The following PLAGL1 variants were observed in gnomAD, a reference collection of about 807,000 sequenced individuals.
The protein encoded by PLAGL1 is PLAG1 like zinc finger 1, also known as zinc finger protein PLAGL1.
PLAGL1 carries 1 observed loss-of-function variant against 4.6 expected under a neutral mutation model. The ratio of observed to expected loss-of-function variants is 0.22; its 90% CI spans 0.08 to 1.03. The LOEUF (loss-of-function observed/expected upper bound fraction) is 1.03, where lower values mean the gene tolerates loss of function less well. PLAGL1 is among the 50% of genes least tolerant of loss of function. The probability of loss-of-function intolerance (pLI) is 0.58; values close to 1 mark genes in which losing one functional copy is unlikely to be tolerated. For synonymous variants in PLAGL1, 240 were observed against 237.8 expected (o/e 1.01, Z -0.08); for missense variants, 464 against 570.4 (o/e 0.81, Z 1.90).
rs1783226447 is a variant in PLAGL1, at chr6:143,960,787, G to A, written c.-398-245C>T. The A allele has an allele frequency of 3.9e-5, 6 of 152,086 alleles. No individual in the cohort carries two copies. The South Asian group carries it at 1.0e-3, about 26-fold the overall frequency. 9.4% of individuals were successfully genotyped at this position (152,086 alleles called of 1,614,324 possible). A position where few individuals can be genotyped will look rare whatever the true frequency, so the allele number is the denominator to read the frequency against. On this transcript the variant is annotated intron_variant, in intron 5 of 7. Transcript: ENST00000674357. The surrounding 1 kb of genome is among the most constrained non-coding windows in gnomAD (Gnocchi z 5.7). ...CTGCTTTATGCAAGTGGAAAAAAAA[G>A]AACACACAAAATTGCTTACATAATA...
At chr6:144,047,238 G>T (rs532430809) in intron 1 of PLAGL1, among the ~76,000 whole-genome samples, 2 of 152,168 alleles carry the variant, frequency 1.3e-5, no homozygotes, top group Non-Finnish European at 2.9e-5. Context: ...GATGAACCAG[G>T]TACCTCGGTT....
At chr6:143,991,988 C>T (rs903344039) in intron 1 of PLAGL1, among the ~76,000 whole-genome samples, 46 of 152,148 alleles carry the variant, frequency 3.0e-4, no homozygotes, top group African/African-American at 9.4e-4. Flanking sequence ...GTACAGGCTC[C>T]AAAAAGTCCA....
chr6:144,016,788 TTTC>T lies in PLAGL1; in HGVS notation c.-151+47677_-151+47679del, dbSNP rs1231209650. Among the ~76,000 whole-genome samples, 4 of 152,226 alleles carry T rather than the reference TTTC, an allele frequency of 2.6e-5. No individual in the cohort carries two copies. Among genetic ancestry groups the T allele is most frequent in the African/African-American group, 9.6e-5 (4 of 41,464 alleles). The stretch of plus-strand genomic sequence containing the variant: ...CAGTAAGTGTCATTAAATTATTTCC[TTTC>T]TTATTTGGATAGGATGAGGAGAAAT... On this transcript the variant is annotated intron_variant, in intron 1 of 3. Transcript: ENST00000437412. The surrounding 1 kb of genome is among the most constrained non-coding windows in gnomAD (Gnocchi z 4.2).
At chr6:144,060,560 T>C (rs141633138) in intron 1 of PLAGL1, among the ~76,000 whole-genome samples, 2 of 152,300 alleles carry the variant, frequency 1.3e-5, no homozygotes, top group African/African-American at 4.8e-5. Context: ...GCCACGTGCA[T>C]CTAAAACTAG....
At chr6:144,019,339 G>T (rs1795802664) in intron 1 of PLAGL1, among the ~76,000 whole-genome samples, 1 of 152,102 alleles carries the variant, frequency 6.6e-6, no homozygotes, top group African/African-American at 2.4e-5. Flanking sequence ...AGGCATGGTG[G>T]TGGGCGCCTG....
rs1791771032 is a variant in PLAGL1 at position 143,997,027 on chromosome 6, C to T, written c.-584+11063G>A. Reference sequence around the variant, plus strand: ...CGATAAACTGGATTTCATTAAGACACCAAAAGACAGCATTAAAAGATACAT... The same window carrying T: ...CGATAAACTGGATTTCATTAAGACATCAAAAGACAGCATTAAAAGATACAT... On this transcript the variant is annotated intron_variant, in intron 1 of 7. Transcript: ENST00000674357. The surrounding 1 kb of genome is among the most constrained non-coding windows in gnomAD (Gnocchi z 4.6). Among the ~76,000 whole-genome samples, 2 of 152,054 alleles carry T rather than the reference C, an allele frequency of 1.3e-5. No individual in the cohort carries two copies. The highest frequency in any genetic ancestry group is 2.9e-5 in the Non-Finnish European group (2 of 68,022).
chr6:144,026,279 A>G (rs1057324041), intron 1 of PLAGL1, among the ~76,000 whole-genome samples: 1 of 152,190 alleles, frequency 6.6e-6, no homozygotes, highest in Non-Finnish European at 1.5e-5. Context: ...CCCTGGCCTC[A>G]AGGAGCTTCG....
chr6:143,977,332 T>C (rs940423373), intron 2 of PLAGL1, among the ~76,000 whole-genome samples: 20 of 152,322 alleles, frequency 1.3e-4, no homozygotes, highest in East Asian at 3.8e-4. Context: ...TAAAATGTCA[T>C]ATAGTTGAAA....
At chr6:144,051,125 A>G (rs959839154) in intron 1 of PLAGL1, among the ~76,000 whole-genome samples, 21 of 152,260 alleles carry the variant, frequency 1.4e-4, no homozygotes, top group Admixed American at 3.3e-4. Flanking sequence ...AGACTATCAG[A>G]TAATGTCTAG....
At chr6:144,011,398 A>G (rs1469425032), upstream of PLAGL1, among the ~76,000 whole-genome samples, 1 of 152,234 alleles carries the variant, frequency 6.6e-6, no homozygotes, top group Non-Finnish European at 1.5e-5. The surrounding 1 kb of genome is among the most constrained non-coding windows in gnomAD (Gnocchi z 4.3). Flanking sequence ...ATTTCTGTGG[A>G]AAGATCTTAA....
chr6:144,044,511 G>A (rs1289156737), intron 1 of PLAGL1, among the ~76,000 whole-genome samples: 1 of 152,178 alleles, frequency 6.6e-6, no homozygotes, highest in Non-Finnish European at 1.5e-5. Context: ...TTAATCCTGA[G>A]TTCTAATTTG....
At chr6:143,981,386 G>A (rs1201867150) in intron 2 of PLAGL1, among the ~76,000 whole-genome samples, 1 of 152,044 alleles carries the variant, frequency 6.6e-6, no homozygotes, top group Non-Finnish European at 1.5e-5. Flanking sequence ...AAGCCTCCAG[G>A]AGAGCCCTCT....
rs11760032 is a variant in PLAGL1, at chr6:144,036,800, T to C, written c.-151+27668A>G. The C allele has an allele frequency of 7.5e-3, 2,559 of 339,188 alleles. 112 individuals carry two copies. In the East Asian group the frequency reaches 0.14, roughly 18 times the overall value. 21.0% of individuals were successfully genotyped at this position (339,188 alleles called of 1,614,324 possible). A position where few individuals can be genotyped will look rare whatever the true frequency, so the allele number is the denominator to read the frequency against. On this transcript the variant is annotated intron_variant, in intron 1 of 3. Coordinates refer to the PLAGL1 transcript ENST00000437412. The surrounding 1 kb of genome is among the most constrained non-coding windows in gnomAD (Gnocchi z 5.1). The stretch of plus-strand genomic sequence containing the variant: ...AGAAGGCAGACCTGCTAAATGCCCA[T>C]TATGACACTATTTGACTAAACAGGT...
At chr6:143,943,323 C>G (rs1359732974) in intron 7 of PLAGL1, among the ~76,000 whole-genome samples, 1 of 152,080 alleles carries the variant, frequency 6.6e-6, no homozygotes, top group Non-Finnish European at 1.5e-5. Flanking sequence ...TTGTCTGCTA[C>G]CCAGAACCAC....
In PLAGL1 at chr6:144,061,118, T is replaced by C. The variant is rs1799360889; in HGVS notation, c.-151+3350A>G. ...GAAAGGTACTGGGTGACAGTGTGAG[T>C]AGAAGAGTTGTAACAGACATGCATG... On this transcript the variant is annotated intron_variant, in intron 1 of 3. Coordinates refer to the PLAGL1 transcript ENST00000437412. This position sits in a 1 kb window ranked among gnomAD's most constrained non-coding sequence, Gnocchi z 4.4. Among the ~76,000 whole-genome samples the C allele has an allele frequency of 6.6e-6, 1 of 152,150 alleles. No individual in the cohort carries two copies. Among genetic ancestry groups the C allele is most frequent in the South Asian group, 2.1e-4 (1 of 4,830 alleles).
chr6:144,043,870 A>G (rs1340128367), intron 1 of PLAGL1, among the ~76,000 whole-genome samples: 1 of 152,144 alleles, frequency 6.6e-6, no homozygotes, highest in East Asian at 1.9e-4. Context: ...TTATTGGTCT[A>G]TTCAGGGATT....
intron 1 of PLAGL1, among the ~76,000 whole-genome samples, chr6:144,032,230 C>T (rs1261470421): frequency 6.6e-6 from 1 of 151,472 alleles, no homozygotes; most frequent in Non-Finnish European, 1.5e-5. Context: ...AAGCGATCCT[C>T]CTGCCCCAGC....
intron 1 of PLAGL1, among the ~76,000 whole-genome samples, chr6:144,031,563 C>T (rs1223326519): frequency 9.9e-5 from 15 of 152,218 alleles, no homozygotes; most frequent in Admixed American, 9.8e-4. Flanking sequence ...CATTCTCATA[C>T]ATGTGGCTTG....
At chr6:144,011,335 C>G (rs143991460), upstream of PLAGL1, among the ~76,000 whole-genome samples, 4 of 152,128 alleles carry the variant, frequency 2.6e-5, no homozygotes, top group Admixed American at 6.5e-5. The surrounding 1 kb of genome is among the most constrained non-coding windows in gnomAD (Gnocchi z 4.3). Context: ...ATGTGGCCAA[C>G]AAACATATGA....
Sources: allele counts gnomAD v4.1 joint callset (sites outside exome capture counted in the v4.1 genomes callset), GRCh38; gene constraint gnomAD v4.1.1; non-coding constraint Gnocchi (gnomAD v3.1); transcripts MANE v1.5; gene names NCBI Gene and HGNC (gene_info 2026-07-23, HGNC 2026-07-21).